MED27: variants seen among roughly 807,000 people sequenced by gnomAD.
MED27 encodes mediator of RNA polymerase II transcription subunit 27.
MED27 carries 30 observed loss-of-function variants against 38.2 expected under a neutral mutation model. The observed-to-expected ratio is 0.79, with a 90% CI of 0.59 to 1.07. The LOEUF (loss-of-function observed/expected upper bound fraction) is 1.07. Among genes scored for constraint, MED27 ranks in the 50% least tolerant of loss-of-function variants. The pLI, the probability that MED27 is intolerant of heterozygous loss-of-function variation, is 0.00. For missense variants in MED27, 289 were observed against 397.5 expected (o/e 0.73, Z 2.32); for synonymous variants, 122 against 153.5 (o/e 0.79, Z 1.52).
At chr9:131,881,662 GGTACAT>G (rs1839041919) in intron 6 of MED27, among the ~76,000 whole-genome samples, 1 of 151,856 alleles carries the variant, frequency 6.6e-6, no homozygotes, top group Admixed American at 6.6e-5. Flanking sequence ...CCATTACTAC[GGTACAT>G]TTGTCACAAC....
chr9:131,912,858 C>T (rs183133317), intron 4 of MED27, among the ~76,000 whole-genome samples: 2 of 152,240 alleles, frequency 1.3e-5, no homozygotes, highest in Non-Finnish European at 2.9e-5. Context: ...GATGTCTAGC[C>T]CATTTGCAAT....
At chr9:132,016,338 G>A (rs148769267) in intron 2 of MED27, among the ~76,000 whole-genome samples, 1,715 of 152,248 alleles carry the variant, frequency 0.011, 5 homozygotes, top group Middle Eastern at 0.031. Context: ...TTACTTGGTC[G>A]ATTTGCTGTG....
chr9:131,965,615 TTCAGAGC>T (rs1237954621), intron 3 of MED27, among the ~76,000 whole-genome samples: 4 of 152,288 alleles, frequency 2.6e-5, no homozygotes, highest in Admixed American at 1.3e-4. Flanking sequence ...TCACTTATGG[TTCAGAGC>T]CACCGGCTCT....
chr9:131,881,604 T>C (rs142264814), intron 6 of MED27, among the ~76,000 whole-genome samples: 24 of 152,286 alleles, frequency 1.6e-4, no homozygotes, highest in African/African-American at 5.3e-4. Context: ...AAAGATGCAA[T>C]AGACAGTTCC....
chr9:132,036,482 G>A (rs76880229), intron 2 of MED27, among the ~76,000 whole-genome samples: 1 of 152,172 alleles, frequency 6.6e-6, no homozygotes, highest in Non-Finnish European at 1.5e-5. Flanking sequence ...GATTACATGT[G>A]TGAGCCACTG....
rs186111068 is a variant in MED27, at chr9:131,874,127, C to T, written c.723+9931G>A. Among the ~76,000 whole-genome samples, 21 of 152,300 alleles carry T rather than the reference C, an allele frequency of 1.4e-4. No individual in the cohort carries two copies. The East Asian group carries it at 2.7e-3, about 20-fold the overall frequency. ...CCCCCACCTTCCATGGCAGCAATGC[C>T]GGCTCCTGGAGGAATCCGCCTCCCG... On this transcript the variant is annotated intron_variant, in intron 6 of 7. Transcript: ENST00000292035.
chr9:132,043,316 T>TAAA (rs34382241), intron 2 of MED27, among the ~76,000 whole-genome samples: 3 of 138,556 alleles, frequency 2.2e-5, no homozygotes, highest in Non-Finnish European at 3.1e-5. Flanking sequence ...TTTTTTTTCT[T>TAAA]AAAAAAAAAA....
chr9:131,994,515 G>A (rs192739788), intron 3 of MED27, among the ~76,000 whole-genome samples: 1 of 152,342 alleles, frequency 6.6e-6, no homozygotes, highest in African/African-American at 2.4e-5. Flanking sequence ...CCTGCCCCCT[G>A]CAGAAACCAG....
intron 4 of MED27, among the ~76,000 whole-genome samples, chr9:131,907,799 A>G (rs1304780641): frequency 1.4e-5 from 2 of 143,694 alleles, no homozygotes; most frequent in Non-Finnish European, 3.0e-5. Flanking sequence ...CCGCCATCAC[A>G]TCTAGGAAGT....
chr9:131,871,040 C>T (rs180771412), intron 6 of MED27, among the ~76,000 whole-genome samples: 7 of 152,282 alleles, frequency 4.6e-5, no homozygotes, highest in East Asian at 3.9e-4. Flanking sequence ...AGGTGCAGGG[C>T]GGGGAGAGTG....
intron 4 of MED27, among the ~76,000 whole-genome samples, chr9:131,920,093 G>A (rs535709692): frequency 2.0e-5 from 3 of 152,250 alleles, no homozygotes; most frequent in East Asian, 3.9e-4. Flanking sequence ...TTATAGACGT[G>A]AGCCATCACA....
At chr9:131,892,032 G>T (rs1026282995) in intron 5 of MED27, among the ~76,000 whole-genome samples, 9 of 152,010 alleles carry the variant, frequency 5.9e-5, no homozygotes, top group African/African-American at 2.2e-4. Context: ...GAGATGATGA[G>T]TTTTGTTTTA....
intron 4 of MED27, among the ~76,000 whole-genome samples, chr9:131,909,978 C>G (rs1830157950): frequency 6.6e-6 from 1 of 152,130 alleles, no homozygotes; most frequent in South Asian, 2.1e-4. Context: ...TGGACTTCAA[C>G]TCACCCAGGA....
chr9:131,874,965 A>G (rs1028429530), intron 6 of MED27, among the ~76,000 whole-genome samples: 4 of 152,212 alleles, frequency 2.6e-5, no homozygotes, highest in Non-Finnish European at 5.9e-5. Flanking sequence ...CTTCTCCATC[A>G]AACTTGAGGC....
intron 4 of MED27, among the ~76,000 whole-genome samples, chr9:131,901,714 G>T (rs1829951700): frequency 6.6e-6 from 1 of 152,166 alleles, no homozygotes; most frequent in Admixed American, 6.5e-5. Flanking sequence ...GATACGGTCT[G>T]TAAAAGCTCA....
intron 2 of MED27, chr9:132,073,734 T>C: frequency 6.6e-7 from 1 of 1,516,476 alleles, no homozygotes; most frequent in Non-Finnish European, 8.8e-7. Flanking sequence ...GAATAGAAAG[T>C]TGCTCTTTCT....
intron 2 of MED27, among the ~76,000 whole-genome samples, chr9:132,054,531 C>T (rs763265847): frequency 3.3e-5 from 5 of 152,118 alleles, no homozygotes; most frequent in East Asian, 1.9e-4. Context: ...GCCATCCTCC[C>T]GCCTCCCAAG....
chr9:131,979,499 A>C (rs933830115), intron 3 of MED27, among the ~76,000 whole-genome samples: 27 of 152,042 alleles, frequency 1.8e-4, no homozygotes, highest in African/African-American at 5.8e-4. Context: ...AAAAAAAAAA[A>C]AAAAACCCCA....
intron 3 of MED27, among the ~76,000 whole-genome samples, chr9:131,940,160 C>T (rs192626797): frequency 2.1e-4 from 32 of 152,044 alleles, no homozygotes; most frequent in Admixed American, 4.6e-4. Flanking sequence ...CCGCCTCGGC[C>T]TCCCAAAGTG....
Sources: gnomAD v4.1 joint callset for allele counts (sites outside exome capture counted in the v4.1 genomes callset) on GRCh38, gnomAD v4.1.1 for gene constraint, MANE v1.5 for transcripts, NCBI Gene and HGNC (gene_info 2026-07-23, HGNC 2026-07-21) for gene names.